The following ANTXR1 variants were observed in gnomAD, a reference collection of about 807,000 sequenced individuals.
ANTXR1 encodes the protein anthrax toxin receptor 1.
In ANTXR1, 19 loss-of-function variants were observed where a neutral mutation model predicts 78.1. That is an observed-to-expected ratio of 0.24 (90% CI 0.17 to 0.36). The LOEUF (loss-of-function observed/expected upper bound fraction) is 0.36, where lower values mean the gene tolerates loss of function less well. Ranked by LOEUF, ANTXR1 falls within the 10% of genes least tolerant of loss-of-function variation. ANTXR1 has a pLI of 1.00. For synonymous variants in ANTXR1, 273 were observed against 260.5 expected, an observed-to-expected ratio of 1.05 and a Z score of -0.46; for missense variants, 518 against 718.6, an observed-to-expected ratio of 0.72 and a Z score of 3.19.
chr2:69,027,398 G>T (rs72895421), intron 1 of ANTXR1, among the ~76,000 whole-genome samples: 1,604 of 152,270 alleles, frequency 0.011, 21 homozygotes, highest in African/African-American at 0.035. Context: ...CCAGGCCAAA[G>T]CATCCCCTAC....
At chr2:69,079,098 A>G (rs1241602278) in intron 8 of ANTXR1, among the ~76,000 whole-genome samples, 1 of 152,192 alleles carries the variant, frequency 6.6e-6, no homozygotes, top group Non-Finnish European at 1.5e-5. Flanking sequence ...TTTATTCAAG[A>G]AGTGCTTGTT....
At chr2:69,161,829 T>C (rs1196581225) in intron 13 of ANTXR1, among the ~76,000 whole-genome samples, 2 of 152,168 alleles carry the variant, frequency 1.3e-5, no homozygotes, top group African/African-American at 4.8e-5. Context: ...CATAACTCTG[T>C]TCTGGTGGCT....
At position 69,090,617 on chromosome 2, in the gene ANTXR1, A is replaced by C. The variant is rs111384070; in HGVS notation, c.643-242A>C. The C allele has an allele frequency of 1.5e-3, 843 of 571,396 alleles. 5 individuals are homozygous for C. The highest frequency in any genetic ancestry group is 0.012 in the African/African-American group (665 of 53,472). 35.4% of individuals were successfully genotyped at this position (571,396 alleles called of 1,614,324 possible). A position where few individuals can be genotyped will look rare whatever the true frequency, so the allele number is the denominator to read the frequency against. ...AGCATAGGCTCAGTAAATACCTGCC[A>C]AAAGAGCAAATGAATGAATAATTCT... On this transcript the variant is annotated intron_variant, in intron 8 of 17. Coordinates refer to ENST00000303714, the MANE Select transcript of ANTXR1 (RefSeq NM_032208.3).
In ANTXR1 at chr2:69,159,149, CTAATA is replaced by C. The variant is rs1262180117; in HGVS notation, c.1047+6887_1047+6891del. 2.0e-5 allele frequency among the ~76,000 whole-genome samples: 3 copies of C among 151,976 alleles called. No homozygotes were observed. The East Asian group carries it at 5.8e-4, about 29-fold the overall frequency. On this transcript the variant is annotated intron_variant, in intron 13 of 17. Coordinates refer to ENST00000303714, the MANE Select transcript of ANTXR1 (RefSeq NM_032208.3). ...GTTATATGCAATATTTTATATGTAT[CTAATA>C]TTATATAACAAGGACATTCAAATCA...
intron 17 of ANTXR1, among the ~76,000 whole-genome samples, chr2:69,198,969 C>T (rs890994416): frequency 2.6e-5 from 4 of 152,080 alleles, no homozygotes; most frequent in Non-Finnish European, 5.9e-5. Context: ...AGAGCTAGCC[C>T]CATAGGTAGA....
At chr2:69,057,633 A>G (rs1419843076) in intron 3 of ANTXR1, among the ~76,000 whole-genome samples, 2 of 152,082 alleles carry the variant, frequency 1.3e-5, no homozygotes, top group Non-Finnish European at 2.9e-5. Context: ...CTCTCCCTCT[A>G]CTTGGTCTTC....
chr2:69,085,945 C>T (rs970719875), intron 8 of ANTXR1, among the ~76,000 whole-genome samples: 3 of 152,226 alleles, frequency 2.0e-5, no homozygotes, highest in Middle Eastern at 3.2e-3. Flanking sequence ...CCATCCTTGA[C>T]ACCAGCATAC....
intron 1 of ANTXR1, among the ~76,000 whole-genome samples, chr2:69,023,378 A>G (rs1207547165): frequency 6.6e-6 from 1 of 151,956 alleles, no homozygotes; most frequent in East Asian, 1.9e-4. Context: ...TGTGATGAAG[A>G]TGATGATGGT....
intron 10 of ANTXR1, among the ~76,000 whole-genome samples, chr2:69,112,249 C>T (rs1285555673): frequency 2.6e-5 from 4 of 152,164 alleles, no homozygotes; most frequent in Non-Finnish European, 5.9e-5. Flanking sequence ...ATCATCACCG[C>T]AGCCCAAAGA....
chr2:69,027,228 ACCAGGCACCT>A (rs1043436157), intron 1 of ANTXR1, among the ~76,000 whole-genome samples: 1 of 152,010 alleles, frequency 6.6e-6, no homozygotes, highest in Admixed American at 6.6e-5. Context: ...GCCTATGAAA[ACCAGGCACCT>A]CCATGACTGT....
intron 8 of ANTXR1, among the ~76,000 whole-genome samples, chr2:69,079,041 C>T (rs1007351999): frequency 1.3e-5 from 2 of 152,078 alleles, no homozygotes; most frequent in East Asian, 3.9e-4. Context: ...ATTCATCCCA[C>T]CTCAGGTTGG....
At chr2:69,216,679 C>T in intron 17 of ANTXR1, among the ~76,000 whole-genome samples, 1 of 152,184 alleles carries the variant, frequency 6.6e-6, no homozygotes, top group Non-Finnish European at 1.5e-5. Flanking sequence ...CTACTGCTCC[C>T]TCCCCTTGAT....
intron 13 of ANTXR1, among the ~76,000 whole-genome samples, chr2:69,158,072 T>A (rs1477127206): frequency 6.6e-6 from 1 of 152,168 alleles, no homozygotes; most frequent in East Asian, 1.9e-4. Context: ...GCTGTGAAAA[T>A]TGCCTGTTTG....
intron 12 of ANTXR1, among the ~76,000 whole-genome samples, chr2:69,138,084 C>CAA (rs368731118): frequency 1.5e-5 from 1 of 67,686 alleles, no homozygotes. Context: ...GACTCCATCT[C>CAA]AAAAAAAAAA....
At chr2:69,242,216 G>A (rs1193928459) in intron 17 of ANTXR1, among the ~76,000 whole-genome samples, 1 of 152,056 alleles carries the variant, frequency 6.6e-6, no homozygotes, top group Non-Finnish European at 1.5e-5. Context: ...TGCTGCTCTG[G>A]CCAAGACACC....
Position 69,246,617 on chromosome 2 carries a change from G to A in ANTXR1, c.*1132G>A, listed in dbSNP as rs1676028080. The A allele has an allele frequency of 6.6e-6, 1 of 151,920 alleles. No homozygotes were observed. Among genetic ancestry groups the A allele is most frequent in the Admixed American group, 6.6e-5 (1 of 15,254 alleles). 9.4% of individuals were successfully genotyped at this position (151,920 alleles called of 1,614,324 possible). ...TGTGTATACAAATATACTTCTCTTT[G>A]GCTTTTCGACATAGAACCTCAGCTG... On this transcript the variant is annotated 3_prime_UTR_variant, in exon 18 of 18. Coordinates refer to ENST00000303714, the MANE Select transcript of ANTXR1 (RefSeq NM_032208.3).
chr2:69,195,851 AT>A (rs923667351), intron 17 of ANTXR1, among the ~76,000 whole-genome samples: 17 of 150,994 alleles, frequency 1.1e-4, no homozygotes, highest in Non-Finnish European at 1.9e-4. Flanking sequence ...GTATGACCCC[AT>A]TTTTTTTTCA....
Position 69,040,597 on chromosome 2 carries a change from T to C in ANTXR1, c.224+482T>C, listed in dbSNP as rs540229542. Among the ~76,000 whole-genome samples, 4 of 152,316 alleles carry C rather than the reference T, an allele frequency of 2.6e-5. No homozygotes were observed. In the South Asian group the frequency reaches 8.3e-4, roughly 32 times the overall value. On this transcript the variant is annotated intron_variant, in intron 2 of 17. Transcript: ENST00000303714. ...ATGTGACAATTGGTCGCTCTCTAGC[T>C]GTGTGTACTATTATCAGGTAGAATC...
intron 10 of ANTXR1, among the ~76,000 whole-genome samples, chr2:69,112,999 A>G (rs1009136748): frequency 6.6e-5 from 10 of 152,168 alleles, no homozygotes; most frequent in Non-Finnish European, 1.5e-4. Context: ...GGGTGAGTTG[A>G]CACAGTCCAA....
Sources: allele counts gnomAD v4.1 joint callset (sites outside exome capture counted in the v4.1 genomes callset), GRCh38; gene constraint gnomAD v4.1.1; transcripts MANE v1.5; gene names NCBI Gene and HGNC (gene_info 2026-07-23, HGNC 2026-07-21).